The following RGS8 variants were observed in gnomAD, a reference collection of about 807,000 sequenced individuals.
RGS8 encodes regulator of G protein signaling 8, also known as regulator of G-protein signaling 8.
RGS8 carries 8 observed loss-of-function variants against 21.7 expected under a neutral mutation model. The observed-to-expected ratio is 0.37, with a 90% confidence interval of 0.22 to 0.66. The LOEUF (loss-of-function observed/expected upper bound fraction) is 0.66, where lower values mean the gene tolerates loss of function less well. Ranked by LOEUF, RGS8 falls within the 30% of genes least tolerant of loss-of-function variation. The pLI is 0.59. For missense variants in RGS8, 157 were observed against 217.9 expected, an observed-to-expected ratio of 0.72 and a Z score of 1.76; for synonymous variants, 80 against 83.6, an observed-to-expected ratio of 0.96 and a Z score of 0.24.
chr1:182,651,469 T>A (rs1663010037), intron 5 of RGS8, among the ~76,000 whole-genome samples: 2 of 152,196 alleles, frequency 1.3e-5, no homozygotes, highest in Non-Finnish European at 2.9e-5. Context: ...CAAGAGAGTA[T>A]CACATCACAT....
chr1:182,720,937 A>ATATATACATATATACATACATATGTGTG, the RGS8 span, among the ~76,000 whole-genome samples: 1 of 72,260 alleles, frequency 1.4e-5, no homozygotes. Flanking sequence ...ACATATATAC[A>ATATATACATATATACATACATATGTGTG]TATATATACA....
intron 4 of RGS8, among the ~76,000 whole-genome samples, chr1:182,666,619 C>G (rs1663872997): frequency 6.7e-6 from 1 of 149,618 alleles, no homozygotes; most frequent in Non-Finnish European, 1.5e-5. Flanking sequence ...TTGCCACCCA[C>G]AGTTTTATGA....
chr1:182,646,959 G>A (rs1557880643), intron 6 of RGS8, 42 bp from the exon 8 acceptor site: 2 of 1,552,328 alleles, frequency 1.3e-6, no homozygotes, highest in South Asian at 1.2e-5. Flanking sequence ...GCCCTCAAGG[G>A]CCAAGGTTTC....
chr1:182,746,730 G>T, the RGS8 span, among the ~76,000 whole-genome samples: 22 of 151,966 alleles, frequency 1.4e-4, no homozygotes, highest in African/African-American at 5.3e-4. Context: ...GAAAGGGAGG[G>T]AGGGAGGAAG....
At chr1:182,645,552 T>C (rs1662664968), downstream of RGS8, 1 of 152,246 alleles carries the variant, frequency 6.6e-6, no homozygotes, top group African/African-American at 2.4e-5. Flanking sequence ...CACGTCCAGA[T>C]GTTCACAGTG....
At position 182,668,161 on chromosome 1, in the gene RGS8, CCAAAA is replaced by C. The variant is rs533346409; in HGVS notation, c.27-1193_27-1189del. On this transcript the variant is annotated intron_variant, in intron 3 of 6. Coordinates refer to ENST00000483095, the Ensembl canonical transcript of RGS8. ...AGCACAGACCATATGGCCCACAAAC[CCAAAA>C]ATATTTATTCTCTAGCCCTTGACAG... Among the ~76,000 whole-genome samples the C allele has an allele frequency of 1.6e-4, 25 of 152,280 alleles. 2 individuals are homozygous for C. In the South Asian group the frequency reaches 4.8e-3, roughly 29 times the overall value.
chr1:182,695,329 G>A, the RGS8 span, among the ~76,000 whole-genome samples: 3 of 152,174 alleles, frequency 2.0e-5, no homozygotes, highest in Non-Finnish European at 2.9e-5. Flanking sequence ...AAATGGACAC[G>A]TAATAAATAG....
At chr1:182,709,288 T>C in the RGS8 span, among the ~76,000 whole-genome samples, 1 of 152,202 alleles carries the variant, frequency 6.6e-6, no homozygotes, top group African/African-American at 2.4e-5. Flanking sequence ...TCCAGGTATA[T>C]GTGCTTATTG....
At chr1:182,690,335 C>G in the RGS8 span, among the ~76,000 whole-genome samples, 1 of 152,214 alleles carries the variant, frequency 6.6e-6, no homozygotes, top group Non-Finnish European at 1.5e-5. Context: ...TGTCACCTGG[C>G]TAGACCATAA....
In RGS8 at chr1:182,656,587, G is replaced by A. The variant is rs958712144; in HGVS notation, c.194-8284C>T. Among the ~76,000 whole-genome samples the A allele has an allele frequency of 3.3e-5, 5 of 152,352 alleles. No individual in the cohort carries two copies. In the East Asian group the frequency reaches 9.6e-4, roughly 29 times the overall value. ...TAACGAAGAACAGCTGAGTGGCCTT[G>A]TAAAGATGCCATGTTCTCTCAGGCA... On this transcript the variant is annotated intron_variant, in intron 5 of 6. Transcript: ENST00000483095.
At chr1:182,706,106 C>G in the RGS8 span, among the ~76,000 whole-genome samples, 2 of 152,112 alleles carry the variant, frequency 1.3e-5, no homozygotes, top group Non-Finnish European at 2.9e-5. Flanking sequence ...CTTCAGCCTC[C>G]CAAGTGGCTG....
At chr1:182,733,977 G>A in the RGS8 span, 1 of 151,938 alleles carries the variant, frequency 6.6e-6, no homozygotes, top group African/African-American at 2.4e-5. Context: ...CTGGGGTGCA[G>A]TGGCATGATC....
chr1:182,707,720 T>C, the RGS8 span, among the ~76,000 whole-genome samples: 4 of 152,160 alleles, frequency 2.6e-5, no homozygotes, highest in Non-Finnish European at 5.9e-5. Context: ...TGTTTTGTTT[T>C]GTTTTTGAGA....
the RGS8 span, among the ~76,000 whole-genome samples, chr1:182,702,168 A>G: frequency 6.6e-6 from 1 of 152,242 alleles, no homozygotes; most frequent in Non-Finnish European, 1.5e-5. Flanking sequence ...CCAGGTGCCC[A>G]TCAATGTTGG....
At chr1:182,660,287 G>A (rs1181685008) in intron 5 of RGS8, among the ~76,000 whole-genome samples, 3 of 152,102 alleles carry the variant, frequency 2.0e-5, no homozygotes, top group Non-Finnish European at 4.4e-5. Flanking sequence ...CAGTCACATC[G>A]CTGGTAAGTG....
chr1:182,671,864 C>G (rs1047614977), exon 1 of RGS8: 13 of 1,520,480 alleles, frequency 8.5e-6, no homozygotes, highest in Admixed American at 6.3e-5. Context: ...ACCACTTGAG[C>G]CAGGCAGCAA....
At chr1:182,735,380 G>A in the RGS8 span, among the ~76,000 whole-genome samples, 25 of 152,156 alleles carry the variant, frequency 1.6e-4, no homozygotes, top group African/African-American at 5.1e-4. Context: ...AAAGATAAAC[G>A]GGGTTAAAGA....
At chr1:182,699,671 G>A in the RGS8 span, among the ~76,000 whole-genome samples, 3 of 152,196 alleles carry the variant, frequency 2.0e-5, no homozygotes, top group African/African-American at 7.2e-5. Context: ...AAGAATCCGA[G>A]GGGATTCACA....
chr1:182,692,179 A>G, the RGS8 span, among the ~76,000 whole-genome samples: 5 of 151,788 alleles, frequency 3.3e-5, no homozygotes, highest in African/African-American at 1.2e-4. Context: ...TAATTTTTGT[A>G]TTTTTAGTAG....
Sources: gnomAD v4.1 joint callset for allele counts (sites outside exome capture counted in the v4.1 genomes callset) on GRCh38, gnomAD v4.1.1 for gene constraint, MANE v1.5 for transcripts, NCBI Gene and HGNC (gene_info 2026-07-23, HGNC 2026-07-21) for gene names.